The following LONP2 variants were observed in gnomAD, a reference collection of about 807,000 sequenced individuals.
The protein encoded by LONP2 is lon peptidase 2, peroxisomal, also known as lon protease homolog 2, peroxisomal.
A neutral mutation model predicts 85.6 loss-of-function variants in LONP2; 60 were observed. That is an observed-to-expected ratio of 0.70 (90% CI 0.57 to 0.87). The LOEUF is 0.87. LONP2 is among the 40% of genes least tolerant of loss of function. LONP2 has a pLI of 0.00. For missense variants in LONP2, 860 were observed against 1,063.5 expected, an observed-to-expected ratio of 0.81 and a Z score of 2.66; for synonymous variants, 395 against 389.7, an observed-to-expected ratio of 1.01 and a Z score of -0.16.
At chr16:48,337,961 C>T (rs1959703579) in intron 12 of LONP2, among the ~76,000 whole-genome samples, 1 of 152,108 alleles carries the variant, frequency 6.6e-6, no homozygotes, top group Non-Finnish European at 1.5e-5. Context: ...TGCTACCATA[C>T]CCAGCTAATT....
intron 11 of LONP2, among the ~76,000 whole-genome samples, chr16:48,312,732 T>C (rs1973060285): frequency 6.6e-6 from 1 of 152,180 alleles, no homozygotes; most frequent in African/African-American, 2.4e-5. Context: ...GTTGTATCAA[T>C]AGATGTTGTA....
chr16:48,328,884 ATC>A (rs775476071), intron 11 of LONP2, among the ~76,000 whole-genome samples: 6 of 151,734 alleles, frequency 4.0e-5, no homozygotes, highest in Non-Finnish European at 8.8e-5. Flanking sequence ...ATAATTCAGT[ATC>A]TCTCATCTAT....
Position 48,329,277 on chromosome 16 carries a change from T to C in LONP2, c.1796-4939T>C, listed in dbSNP as rs181537479. ...CACTCGTAAGTTTTAAATTGTGCAC[T>C]ATTCTGGGCAGTGTGATGAAATGTC... is the stretch of plus-strand genomic sequence containing the variant. On this transcript the variant is annotated intron_variant, in intron 11 of 14. Transcript: ENST00000285737. Among the ~76,000 whole-genome samples the C allele has an allele frequency of 1.2e-4, 18 of 152,170 alleles. No homozygotes were observed. In the East Asian group the frequency reaches 3.5e-3, roughly 29 times the overall value.
intron 14 of LONP2, among the ~76,000 whole-genome samples, chr16:48,348,755 A>G (rs975480850): frequency 1.3e-5 from 2 of 152,032 alleles, no homozygotes; most frequent in East Asian, 3.9e-4. Flanking sequence ...CCACCTCCCA[A>G]AGTGCTGGGA....
intron 7 of LONP2, among the ~76,000 whole-genome samples, chr16:48,272,035 A>G (rs183689182): frequency 1.3e-5 from 2 of 152,290 alleles, no homozygotes; most frequent in East Asian, 3.9e-4. Context: ...GCTATGTGAA[A>G]TTGACATCAT....
In LONP2 at chr16:48,355,779, T is replaced by C. The variant is rs1341237295; in HGVS notation, c.*3977T>C. 1 of 152,196 alleles carries C rather than the reference T, an allele frequency of 6.6e-6. No homozygotes were observed. The highest frequency in any genetic ancestry group is 1.5e-5 in the Non-Finnish European group (1 of 68,034). 9.4% of individuals were successfully genotyped at this position (152,196 alleles called of 1,614,324 possible). A position where few individuals can be genotyped will look rare whatever the true frequency, so the allele number is the denominator to read the frequency against. Reference sequence around the variant, plus strand: ...CATTTTCTAGCATTGATTTTTAAGATGTTACCCAAAGACCCCTTGTATCAA... The same window carrying C: ...CATTTTCTAGCATTGATTTTTAAGACGTTACCCAAAGACCCCTTGTATCAA... On this transcript the variant is annotated 3_prime_UTR_variant, in exon 15 of 15. Coordinates refer to ENST00000285737, the MANE Select transcript of LONP2 (RefSeq NM_031490.5).
At chr16:48,359,921 TTC>T (rs1419987554), downstream of LONP2, among the ~76,000 whole-genome samples, 4 of 152,212 alleles carry the variant, frequency 2.6e-5, no homozygotes, top group Admixed American at 2.6e-4. Context: ...CCACACAAAA[TTC>T]TCTTTCACCA....
chr16:48,336,556 A>T, intron 12 of LONP2: 1 of 413,766 alleles, frequency 2.4e-6, no homozygotes, highest in Non-Finnish European at 4.9e-6. Context: ...GCCGTTTCAT[A>T]GGATTTGGGT....
chr16:48,344,414 C>T (rs1959903974), intron 12 of LONP2: 3 of 152,290 alleles, frequency 2.0e-5, no homozygotes, highest in South Asian at 2.1e-4. Context: ...GCATTATTCC[C>T]ATTTTCAGGT....
chr16:48,322,894 G>T (rs1973296237), intron 11 of LONP2, among the ~76,000 whole-genome samples: 1 of 152,200 alleles, frequency 6.6e-6, no homozygotes, highest in Non-Finnish European at 1.5e-5. Flanking sequence ...AAAGATTTGG[G>T]TAATGCATTC....
In LONP2 at chr16:48,353,799, A is replaced by G. The variant is rs1223038010; in HGVS notation, c.*1997A>G. The G allele has an allele frequency of 6.6e-6, 1 of 152,158 alleles. No homozygotes were observed. Among genetic ancestry groups the G allele is most frequent in the African/African-American group, 2.4e-5 (1 of 41,400 alleles). The allele number at this position is 152,158 out of a possible 1,614,324, so 9.4% of individuals were successfully genotyped here. ...TGCCCTGTTCCACCCAGCAGGGGCA[A>G]CAAGGATATAACTTGGGGTTCTCGG... On this transcript the variant is annotated 3_prime_UTR_variant, in exon 15 of 15. Coordinates refer to ENST00000285737, the MANE Select transcript of LONP2 (RefSeq NM_031490.5).
chr16:48,362,617 G>GATA lies in LONP2; in HGVS notation c.*756_*757insAAT. 1.6e-6 allele frequency: 1 copy of GATA among 607,708 alleles called. No homozygotes were observed. 37.6% of individuals were successfully genotyped at this position (607,708 alleles called of 1,614,324 possible). On this transcript the variant is annotated 3_prime_UTR_variant, in exon 5 of 5. Transcript: ENST00000565867. The surrounding 1 kb of genome is among the most constrained non-coding windows in gnomAD (Gnocchi z 4.2). ...TTACACTGAATGTGCACTTTATTAG[G>GATA]ATCTGTACACTGGATAAGCTCTCTT...
intron 11 of LONP2, among the ~76,000 whole-genome samples, chr16:48,328,458 T>G (rs1959322933): frequency 6.6e-6 from 1 of 151,172 alleles, no homozygotes; most frequent in South Asian, 2.1e-4. Context: ...GGCGGGTGGA[T>G]CACGATATCA....
chr16:48,342,821 G>C (rs1959854257), intron 12 of LONP2, among the ~76,000 whole-genome samples: 1 of 152,226 alleles, frequency 6.6e-6, no homozygotes, highest in Non-Finnish European at 1.5e-5. Context: ...GAGCATTCAA[G>C]TGCTCTATGA....
intron 11 of LONP2, among the ~76,000 whole-genome samples, chr16:48,305,028 A>G (rs1160174571): frequency 6.6e-6 from 1 of 152,236 alleles, no homozygotes; most frequent in African/African-American, 2.4e-5. Flanking sequence ...CAGCAGTAGC[A>G]TCAGAGTCAG....
chr16:48,260,159 A>G (rs1479094794), intron 4 of LONP2, among the ~76,000 whole-genome samples: 2 of 152,162 alleles, frequency 1.3e-5, no homozygotes, highest in African/African-American at 4.8e-5. Flanking sequence ...TATTTATAAT[A>G]TTTTATCTGC....
chr16:48,303,172 G>GTA lies in LONP2; in HGVS notation c.1665_1666dup (p.Thr556IlefsTer23). 1 of 1,614,006 alleles carries GTA rather than the reference G, an allele frequency of 6.2e-7. No individual in the cohort carries two copies. Among genetic ancestry groups the GTA allele is most frequent in the Non-Finnish European group, 8.5e-7 (1 of 1,179,940 alleles). On this transcript the variant is annotated frameshift_variant and splice_region_variant, in exon 11 of 15. Transcript: ENST00000285737. LOFTEE classifies it high-confidence loss of function. ...ATAAAATATTTTTGTTTGATGACAG[G>GTA]TATACCAGAGAGGCAGGGGTTCGTT...
chr16:48,274,621 T>C (rs1483542372), intron 7 of LONP2, among the ~76,000 whole-genome samples: 1 of 151,740 alleles, frequency 6.6e-6, no homozygotes, highest in African/African-American at 2.4e-5. Context: ...TTTAAACTGA[T>C]TCCTTTTTCC....
chr16:48,298,621 A>G (rs1219407397), intron 9 of LONP2, among the ~76,000 whole-genome samples: 1 of 96,254 alleles, frequency 1.0e-5, no homozygotes, highest in East Asian at 3.3e-4. Flanking sequence ...TGCTTATTTA[A>G]TTGAGGTGTG....
Sources: gnomAD v4.1 joint callset for allele counts (sites outside exome capture counted in the v4.1 genomes callset) on GRCh38, gnomAD v4.1.1 for gene constraint, Gnocchi (gnomAD v3.1) non-coding constraint, MANE v1.5 for transcripts, NCBI Gene and HGNC (gene_info 2026-07-23, HGNC 2026-07-21) for gene names.